CRPPA: variants seen among roughly 807,000 people sequenced by gnomAD.
The protein encoded by CRPPA is CDP-L-ribitol pyrophosphorylase A.
In CRPPA, 43 loss-of-function variants were observed where a neutral mutation model predicts 52.0. That is an observed-to-expected ratio of 0.83 (90% CI 0.65 to 1.07). CRPPA has a LOEUF of 1.07. Among genes scored for constraint, CRPPA ranks in the 50% least tolerant of loss-of-function variants. CRPPA has a pLI of 0.00. For synonymous variants in CRPPA, 250 were observed against 203.5 expected (o/e 1.23, Z -1.94); for missense variants, 629 against 551.7 (o/e 1.14, Z -1.40).
intron 1 of CRPPA, among the ~76,000 whole-genome samples, chr7:16,416,280 A>G (rs1461187091): frequency 6.6e-6 from 1 of 152,182 alleles, no homozygotes; most frequent in Admixed American, 6.5e-5. Flanking sequence ...AGGACTCCCT[A>G]TTCCATAAAT....
chr7:16,201,111 T>G (rs1056633077), intron 9 of CRPPA, among the ~76,000 whole-genome samples: 69 of 152,250 alleles, frequency 4.5e-4, no homozygotes, highest in African/African-American at 1.6e-3. Flanking sequence ...AAAGGAGAGA[T>G]CAAGGGTACA....
chr7:16,395,997 T>A (rs1001639859), intron 2 of CRPPA, among the ~76,000 whole-genome samples: 3 of 152,198 alleles, frequency 2.0e-5, no homozygotes, highest in African/African-American at 4.8e-5. Flanking sequence ...GGTCAGTCCT[T>A]GGTCCAGGCA....
Position 16,191,867 on chromosome 7 carries a change from A to G in CRPPA, c.1251+24199T>C, listed in dbSNP as rs149810576. ...ATCACAGTAATTCTCTTACCATATA[A>G]GTTTCTTTTGTACTATTTTTACTCT... is the stretch of plus-strand genomic sequence containing the variant. On this transcript the variant is annotated intron_variant, in intron 9 of 9. Transcript: ENST00000407010. 1.1e-3 allele frequency among the ~76,000 whole-genome samples: 171 copies of G among 152,134 alleles called. 1 individual carries two copies. The highest frequency in any genetic ancestry group is 3.9e-3 in the African/African-American group (161 of 41,506).
intron 9 of CRPPA, among the ~76,000 whole-genome samples, chr7:16,104,539 G>T (rs1329998557): frequency 6.6e-6 from 1 of 152,282 alleles, no homozygotes; most frequent in Non-Finnish European, 1.5e-5. Flanking sequence ...CTATAGAGGT[G>T]GGCACAAAGT....
intron 9 of CRPPA, among the ~76,000 whole-genome samples, chr7:16,166,356 T>G (rs1443573974): frequency 6.6e-6 from 1 of 152,106 alleles, no homozygotes; most frequent in African/African-American, 2.4e-5. Flanking sequence ...CTCAGCTCAC[T>G]GCAACCTCTG....
intron 9 of CRPPA, among the ~76,000 whole-genome samples, chr7:16,163,450 G>T (rs1780962984): frequency 6.6e-6 from 1 of 151,938 alleles, no homozygotes; most frequent in Admixed American, 6.6e-5. Flanking sequence ...GCACACTGAT[G>T]GGTCTTGACT....
intron 8 of CRPPA, among the ~76,000 whole-genome samples, chr7:16,256,413 G>T (rs1413891303): frequency 6.6e-6 from 1 of 152,134 alleles, no homozygotes; most frequent in South Asian, 2.1e-4. Context: ...CCATTACTGG[G>T]TATACACCCA....
At chr7:16,273,245 G>A (rs1166337586) in intron 6 of CRPPA, among the ~76,000 whole-genome samples, 1 of 151,812 alleles carries the variant, frequency 6.6e-6, no homozygotes, top group Non-Finnish European at 1.5e-5. Flanking sequence ...TGGGTACTGT[G>A]GCCCAAAGTG....
intron 9 of CRPPA, among the ~76,000 whole-genome samples, chr7:16,111,397 T>C (rs1782261652): frequency 6.6e-6 from 1 of 152,182 alleles, no homozygotes; most frequent in Non-Finnish European, 1.5e-5. Flanking sequence ...AAATACCACG[T>C]AATTCTGAAA....
At chr7:16,226,302 C>T (rs957620596) in intron 8 of CRPPA, among the ~76,000 whole-genome samples, 1 of 151,726 alleles carries the variant, frequency 6.6e-6, no homozygotes, top group African/African-American at 2.4e-5. Context: ...AAAAGAATGA[C>T]CATAGACAAA....
chr7:16,126,288 C>T (rs749719724), intron 9 of CRPPA, among the ~76,000 whole-genome samples: 12 of 152,022 alleles, frequency 7.9e-5, no homozygotes, highest in Non-Finnish European at 1.3e-4. Flanking sequence ...GCACTTTGTC[C>T]AGAGAAATAC....
intron 3 of CRPPA, among the ~76,000 whole-genome samples, chr7:16,340,912 T>A (rs894771429): frequency 3.9e-5 from 6 of 152,136 alleles, no homozygotes; most frequent in African/African-American, 1.4e-4. Context: ...GAATGGAATA[T>A]CATTTACTTC....
At chr7:16,137,246 A>G (rs900141051) in intron 9 of CRPPA, among the ~76,000 whole-genome samples, 15 of 152,244 alleles carry the variant, frequency 9.9e-5, no homozygotes, top group Admixed American at 9.8e-4. Flanking sequence ...GGCAGGAGCC[A>G]CTGTCTATGA....
intron 8 of CRPPA, among the ~76,000 whole-genome samples, chr7:16,246,600 T>C (rs943065341): frequency 2.6e-5 from 4 of 152,236 alleles, no homozygotes; most frequent in Admixed American, 2.6e-4. Context: ...ACTCCTTGAT[T>C]TATAAGCTGA....
At chr7:16,185,380 G>C (rs1189767691) in intron 9 of CRPPA, among the ~76,000 whole-genome samples, 6 of 152,052 alleles carry the variant, frequency 3.9e-5, no homozygotes, top group Admixed American at 2.6e-4. Flanking sequence ...GGGAATCATG[G>C]GAGCTACAAT....
In CRPPA at chr7:16,346,447, G is replaced by C. The variant is rs555911965; in HGVS notation, c.684+29645C>G. Among the ~76,000 whole-genome samples, 245 of 152,174 alleles carry C rather than the reference G, an allele frequency of 1.6e-3. 1 individual carries two copies. The highest frequency in any genetic ancestry group is 5.5e-3 in the African/African-American group (229 of 41,526). On this transcript the variant is annotated intron_variant, in intron 3 of 9. Coordinates refer to ENST00000407010, the MANE Select transcript of CRPPA (RefSeq NM_001101426.4). Reference sequence around the variant, plus strand: ...GAAAAAGATGCGGTCAGTCAGGCTTGTAATGTGCTAAAACCACAAGAATGT... The same window carrying C: ...GAAAAAGATGCGGTCAGTCAGGCTTCTAATGTGCTAAAACCACAAGAATGT...
chr7:16,316,899 G>A (rs570121395), intron 3 of CRPPA, among the ~76,000 whole-genome samples: 4 of 152,028 alleles, frequency 2.6e-5, no homozygotes, highest in African/African-American at 4.8e-5. Context: ...CTAAACACCC[G>A]ATTGTAAAAA....
At chr7:16,310,302 C>T (rs1167908997) in intron 3 of CRPPA, among the ~76,000 whole-genome samples, 1 of 151,984 alleles carries the variant, frequency 6.6e-6, no homozygotes, top group East Asian at 1.9e-4. Context: ...CCTAAGGACA[C>T]TTATCAGAGA....
intron 3 of CRPPA, among the ~76,000 whole-genome samples, chr7:16,368,675 C>A (rs1786671389): frequency 6.6e-6 from 1 of 152,090 alleles, no homozygotes; most frequent in Non-Finnish European, 1.5e-5. Flanking sequence ...ATTTCATGAT[C>A]AAATTCTGCA....
Sources: gnomAD v4.1 joint callset for allele counts (sites outside exome capture counted in the v4.1 genomes callset) on GRCh38, gnomAD v4.1.1 for gene constraint, MANE v1.5 for transcripts, NCBI Gene and HGNC (gene_info 2026-07-23, HGNC 2026-07-21) for gene names.